Variants in KCNC2 observed in about 807,000 individuals in gnomAD.
The protein encoded by KCNC2 is potassium voltage-gated channel subfamily C member 2, also known as voltage-gated potassium channel KCNC2.
Under a neutral mutation model 44.5 loss-of-function variants are expected in KCNC2, and 21 were observed. The ratio of observed to expected loss-of-function variants is 0.47; its 90% CI spans 0.33 to 0.68. The LOEUF is 0.68. Among genes scored for constraint, KCNC2 ranks in the 30% least tolerant of loss-of-function variants. The pLI, the probability that KCNC2 is intolerant of heterozygous loss-of-function variation, is 0.01. For synonymous variants in KCNC2, 391 were observed against 339.1 expected, an observed-to-expected ratio of 1.15 and a Z score of -1.68; for missense variants, 589 against 826.2, an observed-to-expected ratio of 0.71 and a Z score of 3.52.
In KCNC2 at chr12:75,050,916, G is replaced by A. The variant is rs1881096851; in HGVS notation, c.1089C>T (p.Arg363=). ...CAAGCACCCTCAGACCTACAAAATG[G>A]CGGGTGAGCTTGAAAATTCTCAGGA... ...VRILRIFKLT[R]HFVGLRVLGH... Residue 363 remains arginine (R), a synonymous_variant, in exon 3 of 5, where the codon CGC becomes CGT. Coordinates refer to ENST00000549446, the MANE Select transcript of KCNC2 (RefSeq NM_139137.4). The A allele has an allele frequency of 6.2e-7, 1 of 1,613,356 alleles. No individual in the cohort carries two copies. Among genetic ancestry groups the A allele is most frequent in the African/African-American group, 1.3e-5 (1 of 74,808 alleles).
rs1879915021 is a variant in KCNC2 at position 75,041,626 on chromosome 12, T to G, written c.*1479A>C. Reference sequence around the variant, plus strand: ...ATAGGAATGCATAAATAGACTTTCTTCCACTCAGACTGAATATGACTCCCT... The same window carrying G: ...ATAGGAATGCATAAATAGACTTTCTGCCACTCAGACTGAATATGACTCCCT... On this transcript the variant is annotated 3_prime_UTR_variant, in exon 5 of 5. Coordinates refer to ENST00000549446, the MANE Select transcript of KCNC2 (RefSeq NM_139137.4). 1.7e-5 allele frequency: 17 copies of G among 1,021,314 alleles called. No individual in the cohort carries two copies. Among genetic ancestry groups the G allele is most frequent in the Non-Finnish European group, 2.0e-5 (17 of 850,442 alleles). 63.3% of individuals were successfully genotyped at this position (1,021,314 alleles called of 1,614,324 possible). A position where few individuals can be genotyped will look rare whatever the true frequency, so the allele number is the denominator to read the frequency against.
In KCNC2 at chr12:75,056,939, A is replaced by T. The variant is rs1220873080; in HGVS notation, c.688-5622T>A. Among the ~76,000 whole-genome samples the T allele has an allele frequency of 2.0e-5, 3 of 151,998 alleles. No individual in the cohort carries two copies. In the East Asian group the frequency reaches 5.8e-4, roughly 29 times the overall value. ...ACTAATAAAGCAAATGAACAGAAAC[A>T]CTATATTTTTAGGAGTGGTTATAGC... is the stretch of plus-strand genomic sequence containing the variant. On this transcript the variant is annotated intron_variant, in intron 2 of 4. Coordinates refer to ENST00000549446, the MANE Select transcript of KCNC2 (RefSeq NM_139137.4).
At chr12:75,102,809 T>TC (rs374932883) in intron 2 of KCNC2, among the ~76,000 whole-genome samples, 49 of 151,466 alleles carry the variant, frequency 3.2e-4, no homozygotes, top group African/African-American at 1.1e-3. Flanking sequence ...AGAATACATC[T>TC]CCCCCCCACC....
chr12:75,096,991 A>T (rs1015102693), intron 2 of KCNC2, among the ~76,000 whole-genome samples: 6 of 152,138 alleles, frequency 3.9e-5, no homozygotes, highest in African/African-American at 1.4e-4. Context: ...CAAAACTTGG[A>T]TGCCCACAAG....
intron 2 of KCNC2, among the ~76,000 whole-genome samples, chr12:75,085,317 T>A (rs1884908076): frequency 1.3e-5 from 2 of 151,956 alleles, no homozygotes; most frequent in Non-Finnish European, 2.9e-5. Flanking sequence ...CCACCACTAC[T>A]ATTATCATCA....
chr12:75,042,438 A>T lies in KCNC2; in HGVS notation c.*667T>A. ...CAGCATTTTTGAAGAAAAGTAAATC[A>T]ATCAAGAAATTAAACTATTTAAAAC... is the stretch of plus-strand genomic sequence containing the variant. On this transcript the variant is annotated 3_prime_UTR_variant, in exon 5 of 5. Transcript: ENST00000549446. 6.4e-7 allele frequency: 1 copy of T among 1,574,658 alleles called. No homozygotes were observed.
chr12:75,105,589 G>T (rs1320505631), intron 2 of KCNC2, among the ~76,000 whole-genome samples: 7 of 152,156 alleles, frequency 4.6e-5, no homozygotes, highest in Admixed American at 4.6e-4. Flanking sequence ...GGGAAAAGAA[G>T]TATTAAATTC....
chr12:75,045,534 T>A (rs1443957169), intron 4 of KCNC2, among the ~76,000 whole-genome samples: 1 of 151,954 alleles, frequency 6.6e-6, no homozygotes, highest in African/African-American at 2.4e-5. Context: ...TTTGATAAAA[T>A]GTTGCTTAAT....
intron 2 of KCNC2, among the ~76,000 whole-genome samples, chr12:75,129,948 T>C (rs1251352765): frequency 6.6e-6 from 1 of 152,178 alleles, no homozygotes; most frequent in Non-Finnish European, 1.5e-5. Context: ...GATTATTAGG[T>C]CCATATAACA....
chr12:75,164,749 A>G (rs1324659441), intron 2 of KCNC2, among the ~76,000 whole-genome samples: 2 of 151,732 alleles, frequency 1.3e-5, no homozygotes, highest in Admixed American at 1.3e-4. Context: ...AGAATAGCCA[A>G]TGGAAAGGTA....
At chr12:75,102,292 G>A (rs572703983) in intron 2 of KCNC2, among the ~76,000 whole-genome samples, 11 of 152,138 alleles carry the variant, frequency 7.2e-5, no homozygotes, top group South Asian at 4.1e-4. Context: ...GACAAAAAGA[G>A]AGAATCATGT....
intron 2 of KCNC2, among the ~76,000 whole-genome samples, chr12:75,113,506 C>A (rs1377035447): frequency 6.6e-6 from 1 of 152,094 alleles, no homozygotes; most frequent in African/African-American, 2.4e-5. Flanking sequence ...AATATTCTTA[C>A]ATGTAGGTTT....
At chr12:75,049,082 C>T (rs1457003033) in intron 3 of KCNC2, among the ~76,000 whole-genome samples, 6 of 152,114 alleles carry the variant, frequency 3.9e-5, no homozygotes, top group African/African-American at 9.7e-5. Flanking sequence ...ACCAACTAAA[C>T]TCTACCTTTC....
intron 2 of KCNC2, among the ~76,000 whole-genome samples, chr12:75,072,829 C>A (rs997957964): frequency 2.6e-5 from 4 of 152,154 alleles, no homozygotes; most frequent in African/African-American, 9.7e-5. Context: ...GGCCTTCGAT[C>A]TGACATGATT....
At chr12:75,150,195 T>G (rs1890293539) in intron 2 of KCNC2, among the ~76,000 whole-genome samples, 1 of 151,904 alleles carries the variant, frequency 6.6e-6, no homozygotes, top group Non-Finnish European at 1.5e-5. Flanking sequence ...TTCAGAAACC[T>G]ATTTATTCTC....
intron 2 of KCNC2, among the ~76,000 whole-genome samples, chr12:75,073,706 T>C (rs1370762024): frequency 6.6e-6 from 1 of 152,182 alleles, no homozygotes; most frequent in Non-Finnish European, 1.5e-5. Context: ...AGATAGATGA[T>C]TTTTGAATGT....
At chr12:75,193,761 C>G (rs542730896) in intron 2 of KCNC2, among the ~76,000 whole-genome samples, 57 of 152,124 alleles carry the variant, frequency 3.7e-4, no homozygotes, top group Non-Finnish European at 1.5e-5. Flanking sequence ...CCGGCCTGCT[C>G]CTATCCACCC....
At chr12:75,064,971 A>G (rs140415152) in intron 2 of KCNC2, among the ~76,000 whole-genome samples, 37 of 152,114 alleles carry the variant, frequency 2.4e-4, no homozygotes, top group Middle Eastern at 3.4e-3. Flanking sequence ...GCACCAACAA[A>G]TATTATATAA....
chr12:75,154,937 T>C (rs1326140385), intron 2 of KCNC2, among the ~76,000 whole-genome samples: 5 of 152,008 alleles, frequency 3.3e-5, no homozygotes, highest in African/African-American at 1.2e-4. Context: ...CTGTCACTGT[T>C]CTGTCTTTAT....
Sources: allele counts gnomAD v4.1 joint callset (sites outside exome capture counted in the v4.1 genomes callset), GRCh38; gene constraint gnomAD v4.1.1; transcripts MANE v1.5; gene names NCBI Gene and HGNC (gene_info 2026-07-23, HGNC 2026-07-21).